TNNI3K: variants seen among roughly 807,000 people sequenced by gnomAD.
The protein encoded by TNNI3K is TNNI3 interacting kinase.
In TNNI3K, 140 loss-of-function variants were observed where a neutral mutation model predicts 114.5. The ratio of observed to expected loss-of-function variants is 1.22; its 90% confidence interval spans 1.07 to 1.41. The LOEUF is 1.41. Among genes scored for constraint, TNNI3K ranks in the 40% most tolerant of loss-of-function variants. The probability of loss-of-function intolerance (pLI) is 0.00; values close to 1 mark genes in which losing one functional copy is unlikely to be tolerated. For synonymous variants in TNNI3K, 347 were observed against 347.5 expected, an observed-to-expected ratio of 1.00 and a Z score of 0.02; for missense variants, 1,125 against 1,007.6, an observed-to-expected ratio of 1.12 and a Z score of -1.58.
At position 74,544,143 on chromosome 1, in the gene TNNI3K, C is replaced by T. The variant is rs200310084; in HGVS notation, c.*161C>T. The T allele has an allele frequency of 4.5e-6, 3 of 659,372 alleles. No individual in the cohort carries two copies. The highest frequency in any genetic ancestry group is 7.2e-6 in the Non-Finnish European group (3 of 414,682). The allele number at this position is 659,372 out of a possible 1,614,324, so 40.8% of individuals were successfully genotyped here. On this transcript the variant is annotated 3_prime_UTR_variant, in exon 25 of 25. Transcript: ENST00000326637. ...TATTTAATTCCCCACTATTAGCAGGCTTTGGATTTGTGCCTAAGGAATAAT... is the reference window on the plus strand; with the variant it reads ...TATTTAATTCCCCACTATTAGCAGGTTTTGGATTTGTGCCTAAGGAATAAT...
rs45582436 is a variant in TNNI3K, at chr1:74,354,502, G to C, written c.1177+373G>C. ...AAATTTATAAGAAAGAAGTACAAGGGGGGGGGAAAGAAATATTTGTCAGAT... is the reference window on the plus strand; with the variant it reads ...AAATTTATAAGAAAGAAGTACAAGGCGGGGGGAAAGAAATATTTGTCAGAT... On this transcript the variant is annotated intron_variant, in intron 11 of 24. Transcript: ENST00000326637. 4.1e-3 allele frequency among the ~76,000 whole-genome samples: 630 copies of C among 152,090 alleles called. 5 individuals carry two copies. The highest frequency in any genetic ancestry group is 0.014 in the African/African-American group (586 of 41,478).
At chr1:74,293,625 C>T (rs1031481159) in intron 5 of TNNI3K, among the ~76,000 whole-genome samples, 3 of 151,192 alleles carry the variant, frequency 2.0e-5, no homozygotes, top group Admixed American at 1.3e-4. Context: ...TTATATTTAC[C>T]ATGGGAATGA....
intron 23 of TNNI3K, among the ~76,000 whole-genome samples, chr1:74,507,779 C>T (rs991875507): frequency 6.6e-6 from 1 of 152,102 alleles, no homozygotes; most frequent in African/African-American, 2.4e-5. Context: ...CATGAGCTAC[C>T]GTCATCCAGG....
chr1:74,365,201 A>T (rs12128081), intron 11 of TNNI3K, among the ~76,000 whole-genome samples: 12,720 of 152,160 alleles, frequency 0.084, 561 homozygotes, highest in Non-Finnish European at 0.1. Context: ...AGGGTGGATT[A>T]TCGTTTCTAA....
At chr1:74,381,353 T>C (rs1663195060) in intron 17 of TNNI3K, among the ~76,000 whole-genome samples, 1 of 152,180 alleles carries the variant, frequency 6.6e-6, no homozygotes, top group Admixed American at 6.5e-5. Flanking sequence ...ATGCCTACCT[T>C]ATTGGATTTA....
chr1:74,470,236 G>A, intron 21 of TNNI3K: 1 of 400,664 alleles, frequency 2.5e-6, no homozygotes, highest in Admixed American at 4.4e-5. Context: ...GGCAGAGCTT[G>A]CATCATGTAA....
intron 2 of TNNI3K, among the ~76,000 whole-genome samples, chr1:74,248,853 TC>T (rs1654753104): frequency 6.6e-6 from 1 of 152,302 alleles, no homozygotes; most frequent in Admixed American, 6.5e-5. Flanking sequence ...GGCTCTTATG[TC>T]TTGTATCTCT....
intron 17 of TNNI3K, chr1:74,374,393 T>G (rs1662778420): frequency 6.6e-6 from 1 of 151,952 alleles, no homozygotes; most frequent in Non-Finnish European, 1.5e-5. Flanking sequence ...TGTTATTATT[T>G]CCATTTTACA....
intron 6 of TNNI3K, among the ~76,000 whole-genome samples, chr1:74,335,261 G>A (rs563591793): frequency 7.9e-4 from 120 of 152,224 alleles, no homozygotes; most frequent in Middle Eastern, 3.4e-3. Flanking sequence ...AGAACACAGA[G>A]CTGATATAAA....
Position 74,354,040 on chromosome 1 carries a change from G to C in TNNI3K, c.1088G>C (p.Gly363Ala), listed in dbSNP as rs141275539. ...IRLVQFLLDN[G>A]ADMNLVACDP... is the part of the protein sequence containing the mutation. ...CTGGTTCAGTTCTTACTGGATAATG[G>C]AGCTGATATGAATCTAGTGGCTTGT... Residue 363 changes from glycine (G) to alanine (A), a missense_variant, in exon 11 of 25, where the codon GGA becomes GCA. Gly to Ala is a moderately conservative substitution (Grantham distance 60). Transcript: ENST00000326637. 7 of 1,613,908 alleles carry C rather than the reference G, an allele frequency of 4.3e-6. No homozygotes were observed. In the African/African-American group the frequency reaches 9.3e-5, roughly 22 times the overall value.
chr1:74,439,275 C>T, intron 19 of TNNI3K: 1 of 503,208 alleles, frequency 2.0e-6, no homozygotes, highest in Non-Finnish European at 3.1e-6. Context: ...TAAAAAATGC[C>T]CTTTGAGGAA....
chr1:74,263,147 A>G (rs1655777605), intron 4 of TNNI3K, among the ~76,000 whole-genome samples: 1 of 152,016 alleles, frequency 6.6e-6, no homozygotes, highest in South Asian at 2.1e-4. Flanking sequence ...GGGAATGGTC[A>G]CTCTTCAGCT....
chr1:74,380,963 A>G (rs146377045), intron 17 of TNNI3K, among the ~76,000 whole-genome samples: 204 of 152,288 alleles, frequency 1.3e-3, no homozygotes, highest in African/African-American at 4.7e-3. Flanking sequence ...AACAATCTTA[A>G]TAAGTGGAAA....
At chr1:74,466,717 T>G (rs750418712) in intron 21 of TNNI3K, among the ~76,000 whole-genome samples, 4 of 152,198 alleles carry the variant, frequency 2.6e-5, no homozygotes, top group African/African-American at 7.2e-5. Context: ...TGTGACTCAC[T>G]TGAGTCTTTC....
intron 23 of TNNI3K, among the ~76,000 whole-genome samples, chr1:74,506,824 G>T (rs984069350): frequency 6.6e-6 from 1 of 151,908 alleles, no homozygotes; most frequent in Non-Finnish European, 1.5e-5. Flanking sequence ...TTGTTTTACT[G>T]CTCCCTATGA....
intron 21 of TNNI3K, among the ~76,000 whole-genome samples, chr1:74,465,426 C>T (rs1245675650): frequency 6.6e-6 from 1 of 152,192 alleles, no homozygotes; most frequent in Admixed American, 6.5e-5. Flanking sequence ...GAGGGTGGGC[C>T]AGGTCCCGCA....
chr1:74,412,592 G>T (rs975582904), intron 17 of TNNI3K, among the ~76,000 whole-genome samples: 4 of 152,020 alleles, frequency 2.6e-5, no homozygotes, highest in African/African-American at 9.7e-5. Context: ...ACATAATTTT[G>T]TACTGTTTTT....
chr1:74,326,431 AT>A (rs1659908954), intron 5 of TNNI3K, among the ~76,000 whole-genome samples: 1 of 152,224 alleles, frequency 6.6e-6, no homozygotes, highest in South Asian at 2.1e-4. Flanking sequence ...TTAACAAGAA[AT>A]AACAGTGAGG....
intron 2 of TNNI3K, among the ~76,000 whole-genome samples, chr1:74,245,344 T>C (rs1654489205): frequency 6.6e-6 from 1 of 152,186 alleles, no homozygotes; most frequent in Non-Finnish European, 1.5e-5. Flanking sequence ...CTTGTCTTTG[T>C]CTGAACAAAG....
Sources: allele counts gnomAD v4.1 joint callset (sites outside exome capture counted in the v4.1 genomes callset), GRCh38; gene constraint gnomAD v4.1.1; transcripts MANE v1.5; gene names NCBI Gene and HGNC (gene_info 2026-07-23, HGNC 2026-07-21).